The following ARHGAP6 variants were observed in gnomAD, a reference collection of about 807,000 sequenced individuals.
ARHGAP6 encodes Rho GTPase activating protein 6, also known as rho GTPase-activating protein 6.
Under a neutral mutation model 55.7 loss-of-function variants are expected in ARHGAP6, and 16 were observed. The observed-to-expected ratio is 0.29, with a 90% CI of 0.19 to 0.44. ARHGAP6 has a LOEUF of 0.44. Among genes scored for constraint, ARHGAP6 ranks in the 20% least tolerant of loss-of-function variants. The pLI, the probability that ARHGAP6 is intolerant of heterozygous loss-of-function variation, is 1.00. For synonymous variants in ARHGAP6, 382 were observed against 360.9 expected (o/e 1.06, Z -0.66); for missense variants, 698 against 808.9 (o/e 0.86, Z 1.66).
intron 1 of ARHGAP6, among the ~76,000 whole-genome samples, chrX:11,653,449 T>G (rs781522163): frequency 8.0e-5 from 9 of 112,674 alleles, no homozygotes; most frequent in South Asian, 3.6e-4. Flanking sequence ...CAGCTGGGCT[T>G]AACTCACTGA....
intron 8 of ARHGAP6, 101 bp downstream of exon 8, chrX:11,177,999 G>T: frequency 1.9e-6 from 2 of 1,030,068 alleles, no homozygotes; most frequent in Non-Finnish European, 2.7e-6. Flanking sequence ...GAGAAGGGGA[G>T]ACATCATTAC....
chrX:11,358,350 A>G (rs992095970), intron 1 of ARHGAP6, among the ~76,000 whole-genome samples: 13 of 112,109 alleles, frequency 1.2e-4, no homozygotes, highest in African/African-American at 4.2e-4. Flanking sequence ...GTTTCCATGT[A>G]GACATATATG....
chrX:11,261,249 C>T (rs952356991), intron 1 of ARHGAP6, among the ~76,000 whole-genome samples: 1 of 111,345 alleles, frequency 9.0e-6, no homozygotes, highest in East Asian at 2.8e-4. Context: ...TAATAGGTGA[C>T]GCGGGGAAGA....
chrX:11,156,623 G>A lies in ARHGAP6; in HGVS notation c.1813C>T (p.Pro605Ser). 1 of 1,202,259 alleles carries A rather than the reference G, an allele frequency of 8.3e-7. No individual in the cohort carries two copies. Among genetic ancestry groups the A allele is most frequent in the Non-Finnish European group, 1.1e-6 (1 of 888,074 alleles). The change falls in exon 10 of 13, where the codon CCC (proline) becomes TCC (serine). Residue 605 changes from proline (P) to serine (S), a missense_variant. Pro to Ser is a moderately conservative substitution (Grantham distance 74). Around this residue, in one of 3 missense-constraint regions of ARHGAP6, gnomAD observed 322 missense variants for 451.1 expected, o/e 0.71. Coordinates refer to ENST00000337414, the MANE Select transcript of ARHGAP6 (RefSeq NM_013427.3). Reference sequence around the variant, plus strand: ...AGCACTTCGTTCTGGAGATCTGGGGGAACCTGAAGGAGCCAAATGTTGAGG... The same window carrying A: ...AGCACTTCGTTCTGGAGATCTGGGGAAACCTGAAGGAGCCAAATGTTGAGG... ...IENYEALFMVPPDLQNEVLIS... is the reference protein window; with the variant it reads ...IENYEALFMVSPDLQNEVLIS...
intron 1 of ARHGAP6, among the ~76,000 whole-genome samples, chrX:11,607,533 T>A (rs2052049576): frequency 8.9e-6 from 1 of 112,308 alleles, no homozygotes; most frequent in Admixed American, 9.4e-5. Flanking sequence ...ATGGGTTAGA[T>A]GATGTTGGAG....
chrX:11,572,402 T>G (rs1478520685), intron 1 of ARHGAP6, among the ~76,000 whole-genome samples: 6 of 109,562 alleles, frequency 5.5e-5, no homozygotes, highest in Non-Finnish European at 1.1e-4. Flanking sequence ...TGTGTTCTCA[T>G]TGTTCAATTT....
chrX:11,473,738 G>A (rs1323473751), intron 1 of ARHGAP6, among the ~76,000 whole-genome samples: 1 of 111,922 alleles, frequency 8.9e-6, no homozygotes, highest in Non-Finnish European at 1.9e-5. Context: ...CACCCAGTTT[G>A]TAGTCATTTG....
intron 1 of ARHGAP6, among the ~76,000 whole-genome samples, chrX:11,568,173 C>A (rs1357592297): frequency 8.9e-6 from 1 of 111,954 alleles, no homozygotes; most frequent in Non-Finnish European, 1.9e-5. Context: ...AGTCTGTCAA[C>A]TGCACACAAA....
chrX:11,657,141 A>C lies in ARHGAP6; in HGVS notation c.588+7100T>G, dbSNP rs138245856. On this transcript the variant is annotated intron_variant, in intron 1 of 12. Transcript: ENST00000337414. ...TAAAAGGCATTGAAATGACTAGCTA[A>C]GTAGTTTGGATTTTATTCTGTACAC... Among the ~76,000 whole-genome samples, 53 of 111,353 alleles carry C rather than the reference A, an allele frequency of 4.8e-4. No homozygotes were observed. The East Asian group carries it at 0.014, about 29-fold the overall frequency.
At chrX:11,149,561 A>G (rs2057652) in intron 10 of ARHGAP6, among the ~76,000 whole-genome samples, 22,057 of 110,892 alleles carry the variant, frequency 0.2, 1,649 homozygotes, top group Middle Eastern at 0.27. Flanking sequence ...GTTACATTGT[A>G]CTGGTAAAGT....
intron 1 of ARHGAP6, among the ~76,000 whole-genome samples, chrX:11,446,385 G>T (rs1437554733): frequency 8.9e-6 from 1 of 111,906 alleles, no homozygotes; most frequent in Non-Finnish European, 1.9e-5. Flanking sequence ...TTGATAACCA[G>T]CCATGATACT....
At chrX:11,537,258 C>T (rs1036556468) in intron 1 of ARHGAP6, among the ~76,000 whole-genome samples, 1 of 112,217 alleles carries the variant, frequency 8.9e-6, no homozygotes, top group Non-Finnish European at 1.9e-5. Flanking sequence ...GACTTGCCAG[C>T]CAGGGAACAT....
At chrX:11,580,722 G>T (rs1180873994) in intron 1 of ARHGAP6, among the ~76,000 whole-genome samples, 1 of 111,808 alleles carries the variant, frequency 8.9e-6, no homozygotes, top group Non-Finnish European at 1.9e-5. Context: ...TATAATGTTA[G>T]CTCTCTTTAA....
chrX:11,581,921 CAA>C (rs986458481), intron 1 of ARHGAP6, among the ~76,000 whole-genome samples: 1 of 111,132 alleles, frequency 9.0e-6, no homozygotes, highest in Non-Finnish European at 1.9e-5. Context: ...CCCACTCTCC[CAA>C]ACTTTCATGT....
intron 1 of ARHGAP6, among the ~76,000 whole-genome samples, chrX:11,595,875 C>A (rs1285270243): frequency 1.8e-5 from 2 of 111,958 alleles, no homozygotes; most frequent in Non-Finnish European, 3.8e-5. Flanking sequence ...CAATGAGATA[C>A]CATCTCACAC....
intron 1 of ARHGAP6, among the ~76,000 whole-genome samples, chrX:11,443,478 T>C (rs969408364): frequency 2.7e-5 from 3 of 112,054 alleles, no homozygotes; most frequent in Non-Finnish European, 3.8e-5. Context: ...GCCCAACAGC[T>C]TCTCAAAGTC....
At chrX:11,346,905 G>A (rs957837668) in intron 1 of ARHGAP6, among the ~76,000 whole-genome samples, 3 of 107,818 alleles carry the variant, frequency 2.8e-5, no homozygotes, top group Non-Finnish European at 5.8e-5. Context: ...CCCAAATATT[G>A]TCACCTTTTC....
intron 1 of ARHGAP6, among the ~76,000 whole-genome samples, chrX:11,448,028 C>G (rs1235680668): frequency 1.8e-5 from 2 of 112,351 alleles, no homozygotes; most frequent in African/African-American, 6.5e-5. Flanking sequence ...CCAAGGCAGA[C>G]TTCTAGAACA....
At chrX:11,300,349 C>T (rs947369884) in intron 1 of ARHGAP6, among the ~76,000 whole-genome samples, 4 of 111,191 alleles carry the variant, frequency 3.6e-5, no homozygotes, top group Admixed American at 9.6e-5. Flanking sequence ...ACATGCAAGA[C>T]GTACCCCCCA....
Sources: gnomAD v4.1 joint callset for allele counts (sites outside exome capture counted in the v4.1 genomes callset) on GRCh38, gnomAD v4.1.1 for gene constraint, gnomAD v4.1.1 regional missense constraint, MANE v1.5 for transcripts, NCBI Gene and HGNC (gene_info 2026-07-23, HGNC 2026-07-21) for gene names.